The following STPG1 variants were observed in gnomAD, a reference collection of about 807,000 sequenced individuals.
STPG1 encodes sperm tail PG-rich repeat containing 1.
In STPG1, 33 loss-of-function variants were observed where a neutral mutation model predicts 40.1. That is an observed-to-expected ratio of 0.82 (90% CI 0.62 to 1.10). The LOEUF (loss-of-function observed/expected upper bound fraction) is 1.10, where lower values mean the gene tolerates loss of function less well. Among genes scored for constraint, STPG1 ranks in the 50% least tolerant of loss-of-function variants. The pLI, the probability that STPG1 is intolerant of heterozygous loss-of-function variation, is 0.00. For synonymous variants in STPG1, 150 were observed against 155.0 expected, an observed-to-expected ratio of 0.97 and a Z score of 0.24; for missense variants, 396 against 415.1, an observed-to-expected ratio of 0.95 and a Z score of 0.40.
At chr1:24,394,247 C>T (rs996140999) in intron 2 of STPG1, among the ~76,000 whole-genome samples, 5 of 152,252 alleles carry the variant, frequency 3.3e-5, no homozygotes, top group South Asian at 2.1e-4. Context: ...AGGAGGGTTT[C>T]GCCTCAGAAA....
Position 24,360,988 on chromosome 1 carries a change from G to T in STPG1, c.791C>A (p.Pro264Gln). 1 of 1,613,590 alleles carries T rather than the reference G, an allele frequency of 6.2e-7. No homozygotes were observed. Among genetic ancestry groups the T allele is most frequent in the Non-Finnish European group, 8.5e-7 (1 of 1,179,790 alleles). Residue 264 changes from proline (P) to glutamine (Q), a missense_variant, in exon 8 of 9, where the codon CCA (proline) becomes CAA (glutamine). Transcript: ENST00000337248. ...ATACTGACCAGGACCTGGGAAAGGT[G>T]GCTTCGGAGGCAGAGGCGAAGGCTG... ...SAQPSPLPPK[P>Q]PFPGPGQYEI...
chr1:24,389,282 T>C (rs1642650041), intron 3 of STPG1, among the ~76,000 whole-genome samples: 1 of 152,104 alleles, frequency 6.6e-6, no homozygotes, highest in Non-Finnish European at 1.5e-5. Context: ...ATGGGGCCCA[T>C]CCACGGTAGC....
At chr1:24,376,898 C>G (rs561493267) in intron 5 of STPG1, among the ~76,000 whole-genome samples, 2 of 152,256 alleles carry the variant, frequency 1.3e-5, no homozygotes, top group African/African-American at 4.8e-5. Flanking sequence ...GCTGGTTTTC[C>G]AGAACCCACT....
intron 4 of STPG1, among the ~76,000 whole-genome samples, chr1:24,382,917 CT>C (rs56972835): frequency 6.1e-4 from 81 of 133,368 alleles, no homozygotes; most frequent in Admixed American, 7.6e-4. Flanking sequence ...TTTCTTTTCA[CT>C]TTTTTTTTTT....
chr1:24,391,914 C>T, intron 2 of STPG1: 2 of 1,247,518 alleles, frequency 1.6e-6, no homozygotes, highest in Non-Finnish European at 2.0e-6. Flanking sequence ...GATGTGGTCA[C>T]ATAAAGTACC....
Position 24,403,821 on chromosome 1 carries a change from C to CT in STPG1, c.-68-2366dup, listed in dbSNP as rs147907657. On this transcript the variant is annotated intron_variant, in intron 1 of 8. Coordinates refer to ENST00000337248, the MANE Select transcript of STPG1 (RefSeq NM_001199013.2). ...TGCTGTATCCTGCAACTTTGCTAAA[C>CT]TTTTTTTTTCAGTTCTAGTAGCTTT... 6.6e-5 allele frequency among the ~76,000 whole-genome samples: 10 copies of CT among 151,044 alleles called. No homozygotes were observed. In the South Asian group the frequency reaches 8.4e-4, roughly 13 times the overall value.
intron 7 of STPG1, among the ~76,000 whole-genome samples, chr1:24,365,061 G>T (rs1269262412): frequency 6.6e-6 from 1 of 152,204 alleles, no homozygotes; most frequent in East Asian, 1.9e-4. Context: ...GCAGCCGATT[G>T]CCTCTGGGGT....
chr1:24,364,034 T>A, intron 7 of STPG1: 1 of 1,209,148 alleles, frequency 8.3e-7, no homozygotes, highest in Non-Finnish European at 1.1e-6. Flanking sequence ...TAATCTCCCA[T>A]GTCCTGCTGC....
In STPG1 at chr1:24,383,977, G is replaced by A. The variant is rs944511929; in HGVS notation, c.216C>T (p.Tyr72=). ...KKNDIPGPGF[Y]NVIHQSPVSN... ...ACACCGGTGACTGGTGAATAACATT[G>A]TAGAACCCAGGTCCTGGGATATCAT... is the stretch of plus-strand genomic sequence containing the variant. The change falls in exon 4 of 9, where the codon TAC becomes TAT. Residue 72 remains tyrosine (Y), a synonymous_variant. Coordinates refer to ENST00000337248, the MANE Select transcript of STPG1 (RefSeq NM_001199013.2). 6 of 1,613,394 alleles carry A rather than the reference G, an allele frequency of 3.7e-6. No individual in the cohort carries two copies. The Admixed American group carries it at 5.0e-5, about 13-fold the overall frequency.
chr1:24,367,716 G>A (rs1348260616), intron 7 of STPG1, among the ~76,000 whole-genome samples: 1 of 152,154 alleles, frequency 6.6e-6, no homozygotes, highest in African/African-American at 2.4e-5. Flanking sequence ...GTTTTGCCAT[G>A]TTGGCCAGAC....
chr1:24,381,527 C>T (rs1169916177), intron 4 of STPG1, among the ~76,000 whole-genome samples: 2 of 152,224 alleles, frequency 1.3e-5, no homozygotes, highest in Non-Finnish European at 2.9e-5. Flanking sequence ...TCAAACTCTC[C>T]ACCCACCTGC....
intron 3 of STPG1, among the ~76,000 whole-genome samples, chr1:24,386,941 A>G (rs1406740827): frequency 1.3e-5 from 2 of 152,206 alleles, no homozygotes; most frequent in African/African-American, 4.8e-5. Context: ...TCTAAGTGTG[A>G]GGATTGAAGG....
rs61643782 is a variant in STPG1, at chr1:24,377,818, C to G, written c.462+1835G>C. 7.0e-3 allele frequency among the ~76,000 whole-genome samples: 1,066 copies of G among 152,322 alleles called. 20 individuals are homozygous for G. Among genetic ancestry groups the G allele is most frequent in the African/African-American group, 0.024 (997 of 41,568 alleles). The stretch of plus-strand genomic sequence containing the variant: ...CCCAGCTTTCCACCCCAGCCATCCA[C>G]TGGTGCCCACTGAAGTGCAAATGAT... On this transcript the variant is annotated intron_variant, in intron 5 of 8. Transcript: ENST00000337248.
chr1:24,358,691 T>C lies in STPG1; in HGVS notation c.929-72A>G, dbSNP rs111484075. ...TTGCTGCAGTCTCTGGCATTCTACC[T>C]CAGAGCTGGAAAGGCCTGGGGACCC... On this transcript the variant is annotated intron_variant, in intron 8 of 8. Coordinates refer to ENST00000337248, the MANE Select transcript of STPG1 (RefSeq NM_001199013.2). 1.5e-3 allele frequency: 1,967 copies of C among 1,271,472 alleles called. 8 individuals are homozygous for C. The highest frequency in any genetic ancestry group is 1.7e-3 in the South Asian group (131 of 75,562). 78.8% of individuals were successfully genotyped at this position (1,271,472 alleles called of 1,614,324 possible).
intron 7 of STPG1, 69 bp from the exon 8 acceptor site, chr1:24,361,110 C>T: frequency 1.5e-6 from 2 of 1,373,064 alleles, no homozygotes; most frequent in East Asian, 2.5e-5. Flanking sequence ...TTTCTAGACA[C>T]AGCCAAGACC....
chr1:24,401,471 C>T lies in STPG1; in HGVS notation c.-68-15G>A. ...CTCCTAAGCACCTGAAACAGCAAAA[C>T]ACAGCATTTGTAGAGATCATTTCAC... On this transcript the variant is annotated splice_polypyrimidine_tract_variant and intron_variant, in intron 1 of 8. Transcript: ENST00000337248. The T allele has an allele frequency of 8.7e-7, 1 of 1,150,170 alleles. No individual in the cohort carries two copies. Among genetic ancestry groups the T allele is most frequent in the East Asian group, 2.4e-5 (1 of 41,240 alleles). 71.2% of individuals were successfully genotyped at this position (1,150,170 alleles called of 1,614,324 possible). A position where few individuals can be genotyped will look rare whatever the true frequency, so the allele number is the denominator to read the frequency against.
At position 24,399,926 on chromosome 1, in the gene STPG1, G is replaced by A. The variant is rs1643153892; in HGVS notation, c.70+1393C>T. 6.6e-6 allele frequency among the ~76,000 whole-genome samples: 1 copy of A among 152,196 alleles called. No homozygotes were observed. Among genetic ancestry groups the A allele is most frequent in the African/African-American group, 2.4e-5 (1 of 41,460 alleles). ...GGAATTCACATACATTGCTTGTAAG[G>A]AGGTAAAATTGGCACAGCTACTTTG... is the stretch of plus-strand genomic sequence containing the variant. On this transcript the variant is annotated intron_variant, in intron 2 of 8. Coordinates refer to ENST00000337248, the MANE Select transcript of STPG1 (RefSeq NM_001199013.2). The surrounding 1 kb of genome is among the most constrained non-coding windows in gnomAD (Gnocchi z 4.0).
At chr1:24,393,488 G>C (rs1032853028) in intron 2 of STPG1, among the ~76,000 whole-genome samples, 9 of 152,194 alleles carry the variant, frequency 5.9e-5, no homozygotes, top group Admixed American at 5.9e-4. Flanking sequence ...GAACAGCTAA[G>C]AGAGTGTGCA....
chr1:24,387,628 G>C (rs762279225), intron 3 of STPG1, among the ~76,000 whole-genome samples: 2 of 152,126 alleles, frequency 1.3e-5, no homozygotes, highest in Non-Finnish European at 2.9e-5. Flanking sequence ...TGAAAAGTAT[G>C]GATAATGATG....
Sources: allele counts gnomAD v4.1 joint callset (sites outside exome capture counted in the v4.1 genomes callset), GRCh38; gene constraint gnomAD v4.1.1; non-coding constraint Gnocchi (gnomAD v3.1); transcripts MANE v1.5; gene names NCBI Gene and HGNC (gene_info 2026-07-23, HGNC 2026-07-21).